The following TMEM135 variants were observed in gnomAD, a reference collection of about 807,000 sequenced individuals.
TMEM135 encodes peroxisomal membrane protein 52.
TMEM135 carries 30 observed loss-of-function variants against 60.3 expected under a neutral mutation model. The ratio of observed to expected loss-of-function variants is 0.50; its 90% CI spans 0.37 to 0.68. The LOEUF is 0.68. Ranked by LOEUF, TMEM135 falls within the 30% of genes least tolerant of loss-of-function variation. TMEM135 has a pLI of 0.00. For synonymous variants in TMEM135, 190 were observed against 186.7 expected (o/e 1.02, Z -0.14); for missense variants, 468 against 548.8 (o/e 0.85, Z 1.47).
chr11:87,244,129 C>T (rs79922523), intron 6 of TMEM135, among the ~76,000 whole-genome samples: 9,683 of 48,398 alleles, frequency 0.2, 3,128 homozygotes, highest in Non-Finnish European at 0.23. Flanking sequence ...TTGTCTTTGG[C>T]TCTGTTTATA....
intron 7 of TMEM135, among the ~76,000 whole-genome samples, chr11:87,300,847 T>A (rs1893229): frequency 6.6e-6 from 1 of 151,992 alleles, no homozygotes; most frequent in Non-Finnish European, 1.5e-5. Flanking sequence ...GAAGAAAGAT[T>A]ATCCCCTTAT....
intron 5 of TMEM135, among the ~76,000 whole-genome samples, chr11:87,208,632 A>G (rs540382560): frequency 3.0e-4 from 45 of 152,248 alleles, no homozygotes; most frequent in Non-Finnish European, 6.0e-4. Flanking sequence ...AGCAACTTGG[A>G]AAACATATTT....
intron 6 of TMEM135, among the ~76,000 whole-genome samples, chr11:87,266,041 T>A (rs1343163799): frequency 6.6e-6 from 1 of 152,120 alleles, no homozygotes; most frequent in African/African-American, 2.4e-5. Flanking sequence ...CTCACAGTAA[T>A]GAAAAAGGAA....
chr11:87,162,247 G>T, intron 5 of TMEM135, among the ~76,000 whole-genome samples: 1 of 151,246 alleles, frequency 6.6e-6, no homozygotes, highest in African/African-American at 2.4e-5. Flanking sequence ...TATACTTTAA[G>T]TTCTGGGATA....
In TMEM135 at chr11:87,156,239, G is replaced by T. The variant is rs1938692695; in HGVS notation, c.397-1102G>T. On this transcript the variant is annotated intron_variant, in intron 4 of 14. Coordinates refer to ENST00000305494, the MANE Select transcript of TMEM135 (RefSeq NM_022918.4). ...GTCTTAGATGTCCATCTTTATGATA[G>T]TACCACATATTTTTGATTACTGTAG... Among the ~76,000 whole-genome samples, 2 of 152,134 alleles carry T rather than the reference G, an allele frequency of 1.3e-5. 1 individual carries two copies.
intron 5 of TMEM135, among the ~76,000 whole-genome samples, chr11:87,223,206 C>T (rs1220964321): frequency 2.0e-5 from 3 of 151,098 alleles, no homozygotes; most frequent in African/African-American, 7.3e-5. Context: ...GCACTTTCGC[C>T]CAGGCTGGAG....
At chr11:87,200,269 AC>A (rs1940065300) in intron 5 of TMEM135, among the ~76,000 whole-genome samples, 1 of 152,206 alleles carries the variant, frequency 6.6e-6, no homozygotes, top group Non-Finnish European at 1.5e-5. Context: ...TCTTCTAAAT[AC>A]ACCCAAAAAT....
In TMEM135 at chr11:87,305,800, T is replaced by G. The variant is rs548485596; in HGVS notation, c.699-136T>G. 8.5e-4 allele frequency: 329 copies of G among 385,826 alleles called. 2 individuals carry two copies. The highest frequency in any genetic ancestry group is 6.6e-3 in the African/African-American group (300 of 45,668). 23.9% of individuals were successfully genotyped at this position (385,826 alleles called of 1,614,324 possible). A position where few individuals can be genotyped will look rare whatever the true frequency, so the allele number is the denominator to read the frequency against. Reference sequence around the variant, plus strand: ...CAAAATAAATAAATAAATAAATAAATAAATAAAGTGATGTTTTCTTCTCTC... The same window carrying G: ...CAAAATAAATAAATAAATAAATAAAGAAATAAAGTGATGTTTTCTTCTCTC... On this transcript the variant is annotated intron_variant, in intron 8 of 14. Coordinates refer to ENST00000305494, the MANE Select transcript of TMEM135 (RefSeq NM_022918.4).
At chr11:87,278,381 C>CTTT (rs5793246) in intron 6 of TMEM135, among the ~76,000 whole-genome samples, 3 of 144,936 alleles carry the variant, frequency 2.1e-5, no homozygotes, top group Admixed American at 6.9e-5. Context: ...AATTTTCGTT[C>CTTT]TTTTTTTTTT....
chr11:87,276,952 G>A (rs1014944009), intron 6 of TMEM135, among the ~76,000 whole-genome samples: 7 of 151,830 alleles, frequency 4.6e-5, no homozygotes, highest in Non-Finnish European at 8.8e-5. Flanking sequence ...GATTACAGGC[G>A]TGAGCCACTT....
At position 87,324,575 on chromosome 11, in the gene TMEM135, A is replaced by G. The variant is rs1449476445; in HGVS notation, c.*3242A>G. 6.7e-6 allele frequency: 3 copies of G among 447,320 alleles called. No homozygotes were observed. The highest frequency in any genetic ancestry group is 1.3e-5 in the Non-Finnish European group (3 of 225,346). The allele number at this position is 447,320 out of a possible 1,614,324, so 27.7% of individuals were successfully genotyped here. A position where few individuals can be genotyped will look rare whatever the true frequency, so the allele number is the denominator to read the frequency against. On this transcript the variant is annotated 3_prime_UTR_variant, in exon 15 of 15. Coordinates refer to ENST00000305494, the MANE Select transcript of TMEM135 (RefSeq NM_022918.4). The stretch of plus-strand genomic sequence containing the variant: ...GCTGGGACAACAGGCATGTGCCACC[A>G]TGCCTGGCTAATATTTATTTTATTT...
chr11:87,235,545 A>T (rs909556560), intron 5 of TMEM135, among the ~76,000 whole-genome samples: 7 of 151,992 alleles, frequency 4.6e-5, no homozygotes, highest in African/African-American at 1.7e-4. Context: ...ACTAGAAATT[A>T]TTTGTGTTAG....
intron 1 of TMEM135, among the ~76,000 whole-genome samples, chr11:87,054,266 C>G (rs1043835676): frequency 3.0e-4 from 46 of 151,940 alleles, no homozygotes; most frequent in South Asian, 4.2e-4. Context: ...GAAACCCCAT[C>G]TTCACTAAAA....
intron 6 of TMEM135, among the ~76,000 whole-genome samples, chr11:87,285,143 C>CA (rs1313204899): frequency 6.6e-6 from 1 of 152,136 alleles, no homozygotes; most frequent in Admixed American, 6.5e-5. Context: ...AAGCAAGCAT[C>CA]AATCAAAATG....
rs370154973 is a variant in TMEM135 at position 87,071,647 on chromosome 11, G to A, written c.362+32G>A. On this transcript the variant is annotated intron_variant, in intron 3 of 14. Transcript: ENST00000305494. ...TTTCATATATTTATTTAACGGAACT[G>A]ATTACCTGTCCCCTACCCCAACTAT... 3 of 1,553,866 alleles carry A rather than the reference G, an allele frequency of 1.9e-6. No individual in the cohort carries two copies. The African/African-American group carries it at 4.2e-5, about 22-fold the overall frequency.
intron 5 of TMEM135, among the ~76,000 whole-genome samples, chr11:87,169,350 C>T (rs1008377598): frequency 1.3e-5 from 2 of 150,372 alleles, no homozygotes; most frequent in African/African-American, 4.9e-5. Context: ...CATTATGATG[C>T]TAGCTGGTTA....
chr11:87,118,722 G>A (rs9667641), intron 4 of TMEM135, among the ~76,000 whole-genome samples: 15,872 of 152,098 alleles, frequency 0.1, 864 homozygotes, highest in African/African-American at 0.13. Flanking sequence ...GATTACAGGC[G>A]TGAGCCACCG....
chr11:87,045,183 C>G (rs1403011338), intron 1 of TMEM135, among the ~76,000 whole-genome samples: 1 of 151,946 alleles, frequency 6.6e-6, no homozygotes. Context: ...GTGCCTGCCA[C>G]CACGCCCAGC....
chr11:87,065,053 T>C (rs1195200740), intron 1 of TMEM135, among the ~76,000 whole-genome samples: 1 of 152,200 alleles, frequency 6.6e-6, no homozygotes, highest in Non-Finnish European at 1.5e-5. Context: ...TAGCATTTCA[T>C]GTCATGGCTA....
Sources: gnomAD v4.1 joint callset for allele counts (sites outside exome capture counted in the v4.1 genomes callset) on GRCh38, gnomAD v4.1.1 for gene constraint, MANE v1.5 for transcripts, NCBI Gene and HGNC (gene_info 2026-07-23, HGNC 2026-07-21) for gene names.